Variants in MBLAC2 observed in about 807,000 individuals in gnomAD.
MBLAC2 encodes the protein acyl-coenzyme A thioesterase MBLAC2.
MBLAC2 carries 24 observed loss-of-function variants against 23.3 expected under a neutral mutation model. The ratio of observed to expected loss-of-function variants is 1.03; its 90% CI spans 0.75 to 1.45. The LOEUF is 1.45. MBLAC2 is among the 40% of genes most tolerant of loss of function. The probability of loss-of-function intolerance (pLI) is 0.00; values close to 1 mark genes in which losing one functional copy is unlikely to be tolerated. For missense variants in MBLAC2, 358 were observed against 370.0 expected, an observed-to-expected ratio of 0.97 and a Z score of 0.27; for synonymous variants, 162 against 150.9, an observed-to-expected ratio of 1.07 and a Z score of -0.54.
chr5:90,470,754 GCGCACACACACACACACACACA>G (rs1750532206), intron 1 of MBLAC2, among the ~76,000 whole-genome samples: 1 of 112,456 alleles, frequency 8.9e-6, no homozygotes, highest in Non-Finnish European at 1.9e-5. Flanking sequence ...ACTAGCGCGC[GCGCACACACACACACACACACA>G]CACACACACG....
Position 90,474,588 on chromosome 5 carries a change from G to T in MBLAC2, c.-296C>A. On this transcript the variant is annotated 5_prime_UTR_variant, in exon 1 of 2. Transcript: ENST00000316610. ...CAGCCTCGGCAGCCGCACCACGAGA[G>T]AGCTTTAACGCAGGGGCCACTGCAG... 1 of 440,730 alleles carries T rather than the reference G, an allele frequency of 2.3e-6. No homozygotes were observed. The highest frequency in any genetic ancestry group is 2.4e-5 in the South Asian group (1 of 41,210). The allele number at this position is 440,730 out of a possible 1,614,324, so 27.3% of individuals were successfully genotyped here.
At chr5:90,473,341 C>G (rs1049340851) in intron 1 of MBLAC2, 3 of 304,914 alleles carry the variant, frequency 9.8e-6, no homozygotes, top group African/African-American at 6.8e-5. Flanking sequence ...TGATGACTCT[C>G]TAAGGCTACA....
chr5:90,460,337 CT>C lies in MBLAC2; in HGVS notation c.*829del, dbSNP rs1041349731. On this transcript the variant is annotated 3_prime_UTR_variant, in exon 2 of 2. Coordinates refer to ENST00000316610, the MANE Select transcript of MBLAC2 (RefSeq NM_203406.2). Reference sequence around the variant, plus strand: ...ACAGGAAAAATTTTGTTCATAATAGCTGTTAATATTAAAATAGGATATAATA... The same window carrying C: ...ACAGGAAAAATTTTGTTCATAATAGCGTTAATATTAAAATAGGATATAATA... 1 of 152,474 alleles carries C rather than the reference CT, an allele frequency of 6.6e-6. No individual in the cohort carries two copies. Among genetic ancestry groups the C allele is most frequent in the African/African-American group, 2.4e-5 (1 of 41,410 alleles). The allele number at this position is 152,474 out of a possible 1,614,324, so 9.4% of individuals were successfully genotyped here.
intron 1 of MBLAC2, chr5:90,472,904 G>T (rs1171363085): frequency 1.3e-5 from 2 of 152,126 alleles, no homozygotes; most frequent in Non-Finnish European, 2.9e-5. Context: ...CTTTAAATGT[G>T]TTGTGAAGAT....
In MBLAC2 at chr5:90,461,118, G is replaced by T. The variant is rs1420515454; in HGVS notation, c.*49C>A. ...CACTATTAATCAGTTAAATAGCACA[G>T]AATGAATTAATGTATATAATTAATC... On this transcript the variant is annotated 3_prime_UTR_variant, in exon 2 of 2. Coordinates refer to ENST00000316610, the MANE Select transcript of MBLAC2 (RefSeq NM_203406.2). 1.4e-6 allele frequency: 2 copies of T among 1,384,344 alleles called. No individual in the cohort carries two copies. Among genetic ancestry groups the T allele is most frequent in the South Asian group, 1.6e-5 (1 of 64,502 alleles). The allele number at this position is 1,384,344 out of a possible 1,614,324, so 85.8% of individuals were successfully genotyped here. A position where few individuals can be genotyped will look rare whatever the true frequency, so the allele number is the denominator to read the frequency against.
chr5:90,472,589 A>C (rs1750575155), intron 1 of MBLAC2: 1 of 152,108 alleles, frequency 6.6e-6, no homozygotes, highest in Non-Finnish European at 1.5e-5. Flanking sequence ...AGATAAACTG[A>C]TTTTTGTAAA....
intron 1 of MBLAC2, among the ~76,000 whole-genome samples, chr5:90,462,210 T>C (rs1039141881): frequency 2.1e-4 from 32 of 152,076 alleles, no homozygotes; most frequent in African/African-American, 7.5e-4. Context: ...AACTTGCAAA[T>C]AGGGTAAAAT....
In MBLAC2 at chr5:90,474,302, G is replaced by C; in HGVS notation, c.-10C>G. ...ACTCGAGCGCCGACATGCTGGGCAG[G>C]GGTGCAGCCAGGCGGGGTGAGTGTG... On this transcript the variant is annotated 5_prime_UTR_variant, in exon 1 of 2. Coordinates refer to ENST00000316610, the MANE Select transcript of MBLAC2 (RefSeq NM_203406.2). The C allele has an allele frequency of 6.2e-7, 1 of 1,611,494 alleles. No homozygotes were observed. Among genetic ancestry groups the C allele is most frequent in the East Asian group, 2.2e-5 (1 of 44,836 alleles).
At chr5:90,473,643 C>T (rs1239475520) in intron 1 of MBLAC2, 196 bp downstream of exon 1, 1 of 700,728 alleles carries the variant, frequency 1.4e-6, no homozygotes, top group East Asian at 2.7e-5. Flanking sequence ...GAGCTGGTCT[C>T]TGGCAGGGAA....
chr5:90,470,236 G>C (rs908309045), intron 1 of MBLAC2, among the ~76,000 whole-genome samples: 1 of 152,130 alleles, frequency 6.6e-6, no homozygotes, highest in African/African-American at 2.4e-5. Flanking sequence ...GAAGAGATTG[G>C]TTAATAGGTA....
chr5:90,460,358 A>G lies in MBLAC2; in HGVS notation c.*809T>C, dbSNP rs887698142. 2 of 152,610 alleles carry G rather than the reference A, an allele frequency of 1.3e-5. No homozygotes were observed. Among genetic ancestry groups the G allele is most frequent in the Non-Finnish European group, 2.9e-5 (2 of 67,982 alleles). The allele number at this position is 152,610 out of a possible 1,614,324, so 9.5% of individuals were successfully genotyped here. ...ATAGCTGTTAATATTAAAATAGGAT[A>G]TAATAATAAAAAATTATTCTCAATG... is the stretch of plus-strand genomic sequence containing the variant. On this transcript the variant is annotated 3_prime_UTR_variant, in exon 2 of 2. Transcript: ENST00000316610.
intron 1 of MBLAC2, 145 bp downstream of exon 1, chr5:90,473,694 C>A: frequency 1.2e-6 from 1 of 823,686 alleles, no homozygotes; most frequent in African/African-American, 1.7e-5. Context: ...GGTTTTTACT[C>A]AGGGAAGGGT....
In MBLAC2 at chr5:90,474,301, G is replaced by C. The variant is rs566050806; in HGVS notation, c.-9C>G. The C allele has an allele frequency of 1.2e-6, 2 of 1,611,812 alleles. No individual in the cohort carries two copies. Among genetic ancestry groups the C allele is most frequent in the Admixed American group, 3.3e-5 (2 of 59,742 alleles). ...CACTCGAGCGCCGACATGCTGGGCA[G>C]GGGTGCAGCCAGGCGGGGTGAGTGT... On this transcript the variant is annotated 5_prime_UTR_variant, in exon 1 of 2. Coordinates refer to ENST00000316610, the MANE Select transcript of MBLAC2 (RefSeq NM_203406.2).
intron 1 of MBLAC2, among the ~76,000 whole-genome samples, chr5:90,470,369 A>G (rs1412099301): frequency 6.6e-6 from 1 of 152,218 alleles, no homozygotes; most frequent in African/African-American, 2.4e-5. Flanking sequence ...AAGAAATGAT[A>G]AATGTTTGAG....
chr5:90,466,771 T>C (rs1750453726), intron 1 of MBLAC2, among the ~76,000 whole-genome samples: 1 of 152,210 alleles, frequency 6.6e-6, no homozygotes, highest in Non-Finnish European at 1.5e-5. Flanking sequence ...GAATGCAAAT[T>C]AAATCACAAT....
intron 1 of MBLAC2, among the ~76,000 whole-genome samples, chr5:90,469,302 A>G (rs570938029): frequency 6.6e-6 from 1 of 151,906 alleles, no homozygotes; most frequent in Non-Finnish European, 1.5e-5. Context: ...TCTCTGTCCT[A>G]TCTCTGCATC....
At chr5:90,473,370 C>A in intron 1 of MBLAC2, 1 of 371,342 alleles carries the variant, frequency 2.7e-6, no homozygotes, top group South Asian at 3.0e-5. Context: ...CTGCCCATAC[C>A]CGGTGGGGAC....
rs1218178654 is a variant in MBLAC2 at position 90,474,323 on chromosome 5, G to A, written c.-31C>T. 1 of 1,598,444 alleles carries A rather than the reference G, an allele frequency of 6.3e-7. No individual in the cohort carries two copies. Among genetic ancestry groups the A allele is most frequent in the South Asian group, 1.1e-5 (1 of 89,668 alleles). ...GCAGGGGTGCAGCCAGGCGGGGTGAGTGTGGGCGTGCGAGTCTCCCACAGG... is the reference window on the plus strand; with the variant it reads ...GCAGGGGTGCAGCCAGGCGGGGTGAATGTGGGCGTGCGAGTCTCCCACAGG... On this transcript the variant is annotated 5_prime_UTR_variant, in exon 1 of 2. Transcript: ENST00000316610.
At position 90,459,024 on chromosome 5, in the gene MBLAC2, C is replaced by T. The variant is rs1287247276; in HGVS notation, c.*2143G>A. The T allele has an allele frequency of 6.6e-6, 1 of 152,406 alleles. No individual in the cohort carries two copies. Among genetic ancestry groups the T allele is most frequent in the Non-Finnish European group, 1.5e-5 (1 of 67,946 alleles). The allele number at this position is 152,406 out of a possible 1,614,324, so 9.4% of individuals were successfully genotyped here. ...CTAATAAAACTTAGTGCCTACTATA[C>T]CCTGATTTTTTAAAAAAAGGCCTAA... On this transcript the variant is annotated 3_prime_UTR_variant, in exon 2 of 2. Transcript: ENST00000316610.
Sources: allele counts gnomAD v4.1 joint callset (sites outside exome capture counted in the v4.1 genomes callset), GRCh38; gene constraint gnomAD v4.1.1; transcripts MANE v1.5; gene names NCBI Gene and HGNC (gene_info 2026-07-23, HGNC 2026-07-21).